APAF1: variants seen among roughly 807,000 people sequenced by gnomAD.
APAF1 encodes the protein apoptotic protease-activating factor 1.
APAF1 carries 91 observed loss-of-function variants against 152.4 expected under a neutral mutation model. That is an observed-to-expected ratio of 0.60 (90% CI 0.50 to 0.71). The LOEUF is 0.71. Among genes scored for constraint, APAF1 ranks in the 30% least tolerant of loss-of-function variants. APAF1 has a pLI of 0.00. For missense variants in APAF1, 1,283 were observed against 1,472.0 expected (o/e 0.87, Z 2.10); for synonymous variants, 484 against 494.1 (o/e 0.98, Z 0.27).
At chr12:98,729,217 A>G (rs1204908578) in intron 26 of APAF1, among the ~76,000 whole-genome samples, 2 of 152,256 alleles carry the variant, frequency 1.3e-5, no homozygotes, top group Non-Finnish European at 2.9e-5. Context: ...TAAAAGTGGT[A>G]GAAGATGATA....
chr12:98,693,178 G>A (rs1212476547), intron 16 of APAF1, among the ~76,000 whole-genome samples: 1 of 151,372 alleles, frequency 6.6e-6, no homozygotes, highest in East Asian at 1.9e-4. Flanking sequence ...TTATTTTTTT[G>A]TGTGTGGCTA....
At chr12:98,658,066 G>A (rs2097660038) in intron 4 of APAF1, among the ~76,000 whole-genome samples, 1 of 152,030 alleles carries the variant, frequency 6.6e-6, no homozygotes, top group African/African-American at 2.4e-5. Context: ...TTATCTTTGA[G>A]TCTGTTTTTT....
Position 98,666,244 on chromosome 12 carries a change from G to A in APAF1, c.1249G>A (p.Glu417Lys). Residue 417 changes from glutamate to lysine, a missense_variant, in exon 9 of 27, where the codon GAG becomes AAG. By Grantham distance (56) the Glu-to-Lys change is moderately conservative. Coordinates refer to ENST00000551964, the MANE Select transcript of APAF1 (RefSeq NM_181861.2). ...ETEEVEDILQ[E>K]FVNKSLLFCD... The stretch of plus-strand genomic sequence containing the variant: ...TGAAGAAGTTGAAGACATACTGCAG[G>A]AGTTTGTAAATAAGTCTCTTTTATT... 1 of 1,613,750 alleles carries A rather than the reference G, an allele frequency of 6.2e-7. No individual in the cohort carries two copies. Among genetic ancestry groups the A allele is most frequent in the Non-Finnish European group, 8.5e-7 (1 of 1,179,736 alleles).
At chr12:98,650,440 C>T (rs182936719) in intron 4 of APAF1, among the ~76,000 whole-genome samples, 28 of 151,746 alleles carry the variant, frequency 1.8e-4, no homozygotes, top group East Asian at 5.8e-4. Context: ...GAGCTGAGAT[C>T]GCACCACTGC....
intron 15 of APAF1, among the ~76,000 whole-genome samples, chr12:98,684,365 C>G (rs1192841879): frequency 1.3e-5 from 2 of 151,552 alleles, no homozygotes; most frequent in Non-Finnish European, 1.5e-5. Context: ...TCTTGACTCT[C>G]TCTTCCTCCC....
At position 98,680,367 on chromosome 12, in the gene APAF1, T is replaced by C; in HGVS notation, c.2011T>C (p.Phe671Leu). 6.2e-7 allele frequency: 1 copy of C among 1,613,788 alleles called. No individual in the cohort carries two copies. The change falls in exon 14 of 27, where the codon TTT becomes CTT. Residue 671 changes from phenylalanine (F) to leucine (L), a missense_variant. Transcript: ENST00000551964. ...LCCAFSTDDR[F>L]IATCSVDKKV... Reference sequence around the variant, plus strand: ...TTGTGCATTCTCTACAGATGACAGATTTATAGCAACCTGCTCAGTGGATAA... The same window carrying C: ...TTGTGCATTCTCTACAGATGACAGACTTATAGCAACCTGCTCAGTGGATAA...
intron 16 of APAF1, among the ~76,000 whole-genome samples, chr12:98,696,440 C>A (rs1323929218): frequency 6.6e-6 from 1 of 152,296 alleles, no homozygotes; most frequent in South Asian, 2.1e-4. Context: ...TATGAGGGAT[C>A]CACCCCCATG....
At chr12:98,671,801 A>G in intron 12 of APAF1, 82 bp downstream of exon 12, 3 of 1,370,358 alleles carry the variant, frequency 2.2e-6, no homozygotes, top group Admixed American at 3.5e-5. Context: ...CGATCACTCC[A>G]GGAGGATTTA....
At chr12:98,670,043 C>T (rs2097678129) in intron 10 of APAF1, among the ~76,000 whole-genome samples, 1 of 152,046 alleles carries the variant, frequency 6.6e-6, no homozygotes, top group Non-Finnish European at 1.5e-5. Context: ...TTCCTGGGCT[C>T]AGGTGATCCT....
At chr12:98,665,255 CATATAT>C (rs35804742) in intron 7 of APAF1, among the ~76,000 whole-genome samples, 20 of 97,872 alleles carry the variant, frequency 2.0e-4, no homozygotes, top group East Asian at 1.0e-3. Context: ...TAGACTGGCG[CATATAT>C]ATATATATAT....
intron 12 of APAF1, among the ~76,000 whole-genome samples, chr12:98,673,253 G>GC (rs2097682503): frequency 6.6e-6 from 1 of 151,178 alleles, no homozygotes; most frequent in Non-Finnish European, 1.5e-5. Flanking sequence ...GGCCGAGGCG[G>GC]GCGGATCACC....
chr12:98,688,344 G>A (rs956546314), intron 16 of APAF1, among the ~76,000 whole-genome samples: 3 of 151,902 alleles, frequency 2.0e-5, no homozygotes, highest in African/African-American at 7.3e-5. Flanking sequence ...CTCTTGTTCT[G>A]TAGTAGTTGC....
intron 4 of APAF1, among the ~76,000 whole-genome samples, chr12:98,658,067 T>C (rs2097660040): frequency 6.6e-6 from 1 of 152,126 alleles, no homozygotes; most frequent in African/African-American, 2.4e-5. Context: ...TATCTTTGAG[T>C]CTGTTTTTTG....
At position 98,723,727 on chromosome 12, in the gene APAF1, C is replaced by G; in HGVS notation, c.3293C>G (p.Thr1098Ser). The change falls in exon 24 of 27, where the codon ACC (threonine) becomes AGC (serine). Residue 1098 changes from threonine to serine, a missense_variant. Physicochemically the swap from Thr to Ser is moderately conservative, Grantham distance 58 (BLOSUM62 1). Coordinates refer to ENST00000551964, the MANE Select transcript of APAF1 (RefSeq NM_181861.2). Reference protein sequence around the residue: ...VLSCDISHDATKFSSTSADKT... With the variant: ...VLSCDISHDASKFSSTSADKT... Reference sequence around the variant, plus strand: ...TCTTGTGACATTTCTCACGATGCTACCAAGTTTTCATCTACCTCTGCTGAC... The same window carrying G: ...TCTTGTGACATTTCTCACGATGCTAGCAAGTTTTCATCTACCTCTGCTGAC... 1 of 1,613,626 alleles carries G rather than the reference C, an allele frequency of 6.2e-7. No homozygotes were observed. The highest frequency in any genetic ancestry group is 8.5e-7 in the Non-Finnish European group (1 of 1,179,802).
intron 16 of APAF1, among the ~76,000 whole-genome samples, chr12:98,688,239 T>G (rs1402895668): frequency 1.3e-5 from 2 of 152,188 alleles, no homozygotes; most frequent in Admixed American, 1.3e-4. Flanking sequence ...TATTCCTGTC[T>G]CTATTGTCTC....
chr12:98,647,468 G>C (rs2097642801), intron 1 of APAF1, among the ~76,000 whole-genome samples: 1 of 151,946 alleles, frequency 6.6e-6, no homozygotes, highest in African/African-American at 2.4e-5. Flanking sequence ...TGCCGCCCTG[G>C]TTCAAGCAGT....
At chr12:98,688,273 T>G (rs1376434594) in intron 16 of APAF1, among the ~76,000 whole-genome samples, 1 of 152,188 alleles carries the variant, frequency 6.6e-6, no homozygotes, top group East Asian at 1.9e-4. Flanking sequence ...CTGTCCTTTC[T>G]TTCTTTGGTC....
In APAF1 at chr12:98,681,264, G is replaced by A. The variant is rs141394021; in HGVS notation, c.2046+862G>A. Among the ~76,000 whole-genome samples the A allele has an allele frequency of 4.6e-5, 7 of 152,160 alleles. No individual in the cohort carries two copies. In the East Asian group the frequency reaches 1.4e-3, roughly 29 times the overall value. On this transcript the variant is annotated intron_variant, in intron 14 of 26. Coordinates refer to ENST00000551964, the MANE Select transcript of APAF1 (RefSeq NM_181861.2). ...TTTGGTAGAGACAGAGTTTTGCCAT[G>A]TTGGTCAGGCTGGTATTGAACTTCT... is the stretch of plus-strand genomic sequence containing the variant.
At chr12:98,719,368 T>C (rs1187002506) in intron 22 of APAF1, among the ~76,000 whole-genome samples, 1 of 151,910 alleles carries the variant, frequency 6.6e-6, no homozygotes, top group Non-Finnish European at 1.5e-5. Flanking sequence ...TTTTCTTTTT[T>C]TTGAGACAGT....
Sources: gnomAD v4.1 joint callset for allele counts (sites outside exome capture counted in the v4.1 genomes callset) on GRCh38, gnomAD v4.1.1 for gene constraint, MANE v1.5 for transcripts, NCBI Gene and HGNC (gene_info 2026-07-23, HGNC 2026-07-21) for gene names.